The following PTPRD variants were observed in gnomAD, a reference collection of about 807,000 sequenced individuals.
PTPRD encodes the protein receptor-type tyrosine-protein phosphatase delta.
A neutral mutation model predicts 214.5 loss-of-function variants in PTPRD; 34 were observed. The ratio of observed to expected loss-of-function variants is 0.16; its 90% CI spans 0.12 to 0.21. The LOEUF (loss-of-function observed/expected upper bound fraction) is 0.21. PTPRD is among the 10% of genes least tolerant of loss of function. PTPRD has a pLI of 1.00. For synonymous variants in PTPRD, 1,128 were observed against 845.7 expected (o/e 1.33, Z -5.79); for missense variants, 2,545 against 2,398.7 (o/e 1.06, Z -1.27).
At chr9:8,328,764 A>G (rs1241012225) in intron 44 of PTPRD, among the ~76,000 whole-genome samples, 1 of 151,702 alleles carries the variant, frequency 6.6e-6, no homozygotes, top group Non-Finnish European at 1.5e-5. Flanking sequence ...TTCATGCTTT[A>G]TTTCATTGAG....
At chr9:9,980,679 A>T (rs182886925) in intron 4 of PTPRD, among the ~76,000 whole-genome samples, 1 of 138,482 alleles carries the variant, frequency 7.2e-6, no homozygotes, top group Non-Finnish European at 1.6e-5. Context: ...AGGAAAAAAA[A>T]GTCTCTGAAA....
intron 9 of PTPRD, among the ~76,000 whole-genome samples, chr9:9,214,928 G>A (rs1166659900): frequency 6.6e-6 from 1 of 152,152 alleles, no homozygotes; most frequent in Non-Finnish European, 1.5e-5. Flanking sequence ...GTTGTACAAT[G>A]GAAGAACTAG....
intron 3 of PTPRD, among the ~76,000 whole-genome samples, chr9:10,231,694 G>C (rs2099610506): frequency 6.6e-6 from 1 of 151,886 alleles, no homozygotes. Context: ...TTTTTGGCTA[G>C]CCATTTACAT....
chr9:9,449,939 T>C (rs2091644562), intron 8 of PTPRD, among the ~76,000 whole-genome samples: 1 of 151,974 alleles, frequency 6.6e-6, no homozygotes. Context: ...TATGCCTTTG[T>C]GTCCACATAT....
rs548540981 is a variant in PTPRD at position 10,543,628 on chromosome 9, G to A, written c.-600+68770C>T. 2.9e-4 allele frequency among the ~76,000 whole-genome samples: 44 copies of A among 152,234 alleles called. No homozygotes were observed. In the South Asian group the frequency reaches 5.8e-3, roughly 20 times the overall value. ...TAACATTATGTTGTCTTAAGGCATC[G>A]TGCTTAAGCACAAGATGGGCTAGTT... On this transcript the variant is annotated intron_variant, in intron 2 of 45. Coordinates refer to ENST00000381196, the MANE Select transcript of PTPRD (RefSeq NM_002839.4).
At chr9:10,225,447 T>C (rs1039344298) in intron 3 of PTPRD, among the ~76,000 whole-genome samples, 1 of 151,986 alleles carries the variant, frequency 6.6e-6, no homozygotes, top group Non-Finnish European at 1.5e-5. Flanking sequence ...TAATGACAAG[T>C]TAGCTCGTGT....
At chr9:10,013,904 C>G (rs748698027) in intron 4 of PTPRD, among the ~76,000 whole-genome samples, 3 of 151,784 alleles carry the variant, frequency 2.0e-5, no homozygotes, top group Non-Finnish European at 4.4e-5. Context: ...GTGTATAGCT[C>G]TCAAAATTTA....
At chr9:10,084,701 C>T (rs913863967) in intron 3 of PTPRD, among the ~76,000 whole-genome samples, 4 of 151,860 alleles carry the variant, frequency 2.6e-5, no homozygotes, top group Non-Finnish European at 5.9e-5. Context: ...CACAACTTCG[C>T]AACTCTGCCT....
At chr9:9,279,263 A>T (rs1946782282) in intron 9 of PTPRD, among the ~76,000 whole-genome samples, 1 of 149,480 alleles carries the variant, frequency 6.7e-6, no homozygotes, top group African/African-American at 2.4e-5. Flanking sequence ...TGAATGAAGA[A>T]TGTGTACATA....
intron 8 of PTPRD, among the ~76,000 whole-genome samples, chr9:9,466,250 A>T (rs1408114672): frequency 6.6e-6 from 1 of 152,138 alleles, no homozygotes; most frequent in East Asian, 1.9e-4. Context: ...TTGAGGCTGC[A>T]GTGAGCTGTG....
chr9:8,348,957 A>G (rs984834885), intron 39 of PTPRD, among the ~76,000 whole-genome samples: 2 of 152,134 alleles, frequency 1.3e-5, no homozygotes, highest in Non-Finnish European at 1.5e-5. Flanking sequence ...GCTCTCCTCC[A>G]GGGAAAAGAC....
chr9:9,782,045 C>A (rs1264042835), intron 5 of PTPRD, among the ~76,000 whole-genome samples: 1 of 152,112 alleles, frequency 6.6e-6, no homozygotes, highest in Non-Finnish European at 1.5e-5. Context: ...GCCGTCTCAG[C>A]CTCCCAAAGT....
chr9:8,827,387 A>T (rs1408961958), intron 11 of PTPRD, among the ~76,000 whole-genome samples: 1 of 152,136 alleles, frequency 6.6e-6, no homozygotes, highest in Non-Finnish European at 1.5e-5. Context: ...TGGGTGGATC[A>T]CCTGAGGTCA....
chr9:10,378,955 A>C (rs1266583456), intron 2 of PTPRD, among the ~76,000 whole-genome samples: 1 of 152,008 alleles, frequency 6.6e-6, no homozygotes, highest in African/African-American at 2.4e-5. Context: ...TGAACATGGA[A>C]TAGCTCTCCA....
chr9:8,942,776 C>T (rs1243852227), intron 11 of PTPRD, among the ~76,000 whole-genome samples: 1 of 151,934 alleles, frequency 6.6e-6, no homozygotes, highest in Non-Finnish European at 1.5e-5. Flanking sequence ...TGGGCTTCAG[C>T]TTTATTATAA....
chr9:9,777,062 T>C (rs2098803873), intron 5 of PTPRD, among the ~76,000 whole-genome samples: 1 of 152,202 alleles, frequency 6.6e-6, no homozygotes, highest in Admixed American at 6.5e-5. Flanking sequence ...TAGCTTGTCA[T>C]GTACAACTTT....
At chr9:9,754,888 T>C (rs2098554022) in intron 6 of PTPRD, among the ~76,000 whole-genome samples, 1 of 152,062 alleles carries the variant, frequency 6.6e-6, no homozygotes, top group Non-Finnish European at 1.5e-5. Context: ...CCAATGCTTT[T>C]AGAAGAAAAT....
chr9:9,729,921 T>A (rs934278419), intron 7 of PTPRD, among the ~76,000 whole-genome samples: 2 of 152,088 alleles, frequency 1.3e-5, no homozygotes, highest in African/African-American at 2.4e-5. Context: ...TGTTAAAATG[T>A]GCAAAGCATT....
intron 3 of PTPRD, among the ~76,000 whole-genome samples, chr9:10,164,205 C>A (rs2099145446): frequency 6.6e-6 from 1 of 151,482 alleles, no homozygotes; most frequent in South Asian, 2.1e-4. Flanking sequence ...ATAATAATAT[C>A]TTCAGGTTTT....
Sources: gnomAD v4.1 joint callset for allele counts (sites outside exome capture counted in the v4.1 genomes callset) on GRCh38, gnomAD v4.1.1 for gene constraint, MANE v1.5 for transcripts, NCBI Gene and HGNC (gene_info 2026-07-23, HGNC 2026-07-21) for gene names.